GTF2E2: variants seen among roughly 807,000 people sequenced by gnomAD.
The protein encoded by GTF2E2 is transcription initiation factor IIE subunit beta.
Under a neutral mutation model 40.5 loss-of-function variants are expected in GTF2E2, and 21 were observed. The ratio of observed to expected loss-of-function variants is 0.52; its 90% CI spans 0.37 to 0.75. The LOEUF is 0.75. GTF2E2 is among the 30% of genes least tolerant of loss of function. The pLI is 0.00. For missense variants in GTF2E2, 298 were observed against 338.4 expected (o/e 0.88, Z 0.94); for synonymous variants, 117 against 121.6 (o/e 0.96, Z 0.25).
chr8:30,648,406 G>A (rs1802168248), intron 2 of GTF2E2, among the ~76,000 whole-genome samples: 1 of 152,212 alleles, frequency 6.6e-6, no homozygotes, highest in Non-Finnish European at 1.5e-5. Context: ...CACTAAAGCA[G>A]CTAAACCAGG....
intron 2 of GTF2E2, chr8:30,636,885 T>C: frequency 2.6e-6 from 1 of 390,634 alleles, no homozygotes; most frequent in Non-Finnish European, 4.9e-6. Context: ...GAATGCCTTA[T>C]AGGTGCTTTT....
intron 5 of GTF2E2, 123 bp from the exon 6 acceptor site, chr8:30,607,273 C>T (rs1236507571): frequency 2.2e-6 from 1 of 461,162 alleles, no homozygotes; most frequent in East Asian, 3.5e-5. Flanking sequence ...ACCATAGGGT[C>T]CTCCACCATA....
chr8:30,606,549 T>G (rs1407546201), intron 6 of GTF2E2, among the ~76,000 whole-genome samples: 1 of 152,078 alleles, frequency 6.6e-6, no homozygotes, highest in African/African-American at 2.4e-5. Flanking sequence ...AAAACTAAAG[T>G]CCAAACATAC....
intron 6 of GTF2E2, among the ~76,000 whole-genome samples, chr8:30,606,286 C>T (rs1376990815): frequency 6.6e-6 from 1 of 152,122 alleles, no homozygotes; most frequent in African/African-American, 2.4e-5. Context: ...AAACTAAAGC[C>T]CTATCTACCA....
intron 3 of GTF2E2, among the ~76,000 whole-genome samples, chr8:30,630,595 C>A (rs1396000822): frequency 6.6e-6 from 1 of 152,002 alleles, no homozygotes; most frequent in Non-Finnish European, 1.5e-5. Context: ...AAAATAAGCC[C>A]TTCTCTTTAC....
chr8:30,621,841 A>G (rs546943333), intron 3 of GTF2E2, among the ~76,000 whole-genome samples: 1 of 152,154 alleles, frequency 6.6e-6, no homozygotes, highest in African/African-American at 2.4e-5. Flanking sequence ...CTGCACCAGG[A>G]AGAACTTCCA....
intron 6 of GTF2E2, among the ~76,000 whole-genome samples, chr8:30,606,560 G>A (rs944545241): frequency 1.3e-5 from 2 of 152,002 alleles, no homozygotes; most frequent in Non-Finnish European, 2.9e-5. Flanking sequence ...CCAAACATAC[G>A]TATCATATAC....
At chr8:30,645,513 A>C in intron 2 of GTF2E2, 1 of 1,535,708 alleles carries the variant, frequency 6.5e-7, no homozygotes, top group South Asian at 1.2e-5. Context: ...TAAAAAACAA[A>C]ACCGTGAAAG....
At chr8:30,632,807 T>C (rs1034740823) in intron 3 of GTF2E2, among the ~76,000 whole-genome samples, 7 of 152,188 alleles carry the variant, frequency 4.6e-5, no homozygotes, top group African/African-American at 1.4e-4. Flanking sequence ...AACAGAAGCA[T>C]TAACTAATGG....
chr8:30,602,729 G>C (rs888685538), intron 6 of GTF2E2, among the ~76,000 whole-genome samples: 2 of 148,966 alleles, frequency 1.3e-5, no homozygotes, highest in Non-Finnish European at 3.0e-5. Flanking sequence ...ACTCCAGCCT[G>C]GGCAACAAGA....
At chr8:30,627,726 C>G (rs908549916) in intron 3 of GTF2E2, among the ~76,000 whole-genome samples, 3 of 152,132 alleles carry the variant, frequency 2.0e-5, no homozygotes, top group African/African-American at 7.2e-5. Flanking sequence ...GACCAGTATA[C>G]TTGAGCACCT....
At chr8:30,628,545 C>T (rs960147835) in intron 3 of GTF2E2, among the ~76,000 whole-genome samples, 4 of 152,116 alleles carry the variant, frequency 2.6e-5, no homozygotes, top group Non-Finnish European at 4.4e-5. Context: ...AAGGGTTCCT[C>T]CAGAGTAAGA....
intron 6 of GTF2E2, among the ~76,000 whole-genome samples, chr8:30,589,338 C>T (rs1419181152): frequency 2.0e-5 from 3 of 152,236 alleles, no homozygotes; most frequent in Non-Finnish European, 4.4e-5. Flanking sequence ...GGGAGGATCA[C>T]TTGAAGCCAG....
At chr8:30,631,531 T>C (rs1373585535) in intron 3 of GTF2E2, among the ~76,000 whole-genome samples, 16 of 152,206 alleles carry the variant, frequency 1.1e-4, no homozygotes, top group Admixed American at 4.6e-4. Context: ...TTACTCAATA[T>C]GGTAGTTAAA....
chr8:30,588,811 G>A (rs1352016031), intron 6 of GTF2E2, among the ~76,000 whole-genome samples: 1 of 152,176 alleles, frequency 6.6e-6, no homozygotes, highest in East Asian at 1.9e-4. Flanking sequence ...GTATCCAGAA[G>A]TGCAGCCCTT....
At chr8:30,600,581 A>C (rs181463241) in intron 6 of GTF2E2, among the ~76,000 whole-genome samples, 4 of 151,320 alleles carry the variant, frequency 2.6e-5, no homozygotes, top group East Asian at 3.9e-4. Context: ...GGAATGAATA[A>C]ATCTTTTTTT....
intron 6 of GTF2E2, among the ~76,000 whole-genome samples, chr8:30,598,895 A>G (rs1286590720): frequency 6.6e-6 from 1 of 152,230 alleles, no homozygotes; most frequent in South Asian, 2.1e-4. Flanking sequence ...ATGGTGGCTC[A>G]CACCAGTAAT....
chr8:30,620,884 G>A (rs923125381), intron 3 of GTF2E2, among the ~76,000 whole-genome samples: 3 of 151,562 alleles, frequency 2.0e-5, no homozygotes, highest in Non-Finnish European at 4.4e-5. Flanking sequence ...AGCCAAGACT[G>A]CGCTACTGCA....
At chr8:30,594,487 ACCTAAAGTGG>A (rs1828940335) in intron 6 of GTF2E2, among the ~76,000 whole-genome samples, 1 of 150,376 alleles carries the variant, frequency 6.6e-6, no homozygotes, top group Admixed American at 6.7e-5. Flanking sequence ...TGAACTTCTG[ACCTAAAGTGG>A]CCTACAGTGG....
Sources: allele counts gnomAD v4.1 joint callset (sites outside exome capture counted in the v4.1 genomes callset), GRCh38; gene constraint gnomAD v4.1.1; transcripts MANE v1.5; gene names NCBI Gene and HGNC (gene_info 2026-07-23, HGNC 2026-07-21).